Variants in TRAK1 observed in about 807,000 individuals in gnomAD.
TRAK1 encodes the protein trafficking kinesin-binding protein 1.
A neutral mutation model predicts 92.1 loss-of-function variants in TRAK1; 33 were observed. The observed-to-expected ratio is 0.36, with a 90% CI of 0.27 to 0.48. TRAK1 has a LOEUF of 0.48. TRAK1 is among the 20% of genes least tolerant of loss of function. The pLI, the probability that TRAK1 is intolerant of heterozygous loss-of-function variation, is 0.99. For missense variants in TRAK1, 1,123 were observed against 1,257.9 expected (o/e 0.89, Z 1.62); for synonymous variants, 521 against 517.3 (o/e 1.01, Z -0.10).
intron 14 of TRAK1, chr3:42,212,583 G>A (rs1709185611): frequency 1.0e-6 from 1 of 964,388 alleles, no homozygotes; most frequent in Non-Finnish European, 1.2e-6. Context: ...TTATTGTATT[G>A]TAAATAATTT....
chr3:42,120,148 G>A (rs906534882), intron 1 of TRAK1, among the ~76,000 whole-genome samples: 6 of 152,208 alleles, frequency 3.9e-5, no homozygotes, highest in South Asian at 2.1e-4. Context: ...GCAAGGAGGC[G>A]ATGCCGAGGG....
chr3:42,211,934 G>A (rs950275746), intron 14 of TRAK1: 21 of 985,414 alleles, frequency 2.1e-5, no homozygotes, highest in Non-Finnish European at 2.4e-5. Context: ...TACCTAGGTT[G>A]CCAAAGGTAA....
rs1331311945 is a variant in TRAK1, at chr3:42,037,580, ACT to A, written c.-519+23466_-519+23467del. On this transcript the variant is annotated intron_variant, in intron 1 of 16. Transcript: ENST00000487159. ...TTTCACAAACAAATGTCAAATTGTA[ACT>A]CTGACAGTTTCTGTGGCAGAGACCA... 2.0e-5 allele frequency among the ~76,000 whole-genome samples: 3 copies of A among 152,314 alleles called. No individual in the cohort carries two copies. The East Asian group carries it at 5.8e-4, about 29-fold the overall frequency.
chr3:42,215,025 G>A (rs3774386), intron 14 of TRAK1, among the ~76,000 whole-genome samples: 51,567 of 152,028 alleles, frequency 0.34, 9,220 homozygotes, highest in East Asian at 0.54. Context: ...GAAAACACTT[G>A]TTAAAGCCAC....
chr3:42,127,379 G>A (rs947647221), intron 2 of TRAK1, among the ~76,000 whole-genome samples: 40 of 148,290 alleles, frequency 2.7e-4, no homozygotes, highest in Non-Finnish European at 5.3e-4. Flanking sequence ...TTGAGACAGG[G>A]TTTTGCTCTG....
At position 42,091,511 on chromosome 3, in the gene TRAK1, G is replaced by A; in HGVS notation, c.42G>A (p.Gln14=). 1 of 1,613,686 alleles carries A rather than the reference G, an allele frequency of 6.2e-7. No individual in the cohort carries two copies. Among genetic ancestry groups the A allele is most frequent in the Non-Finnish European group, 8.5e-7 (1 of 1,179,922 alleles). ...VFQFGQPVRA[Q]PLPGLCHGKL... is the part of the protein sequence containing the mutation. ...AATTCGGGCAGCCCGTCAGGGCTCA[G>A]CCTCTGCCAGGACTCTGCCACGGCA... Residue 14 remains glutamine (Q), a synonymous_variant, in exon 1 of 16, where the codon CAG becomes CAA. Transcript: ENST00000327628.
At chr3:42,201,891 C>CGG (rs1707664915) in intron 12 of TRAK1, among the ~76,000 whole-genome samples, 2 of 142,876 alleles carry the variant, frequency 1.4e-5, no homozygotes, top group Non-Finnish European at 3.1e-5. Flanking sequence ...CGGACACACA[C>CGG]ACACACACAC....
In TRAK1 at chr3:42,125,424, G is replaced by C. The variant is rs773333328; in HGVS notation, c.96G>C (p.Val32=). The change falls in exon 2 of 16, where the codon GTG becomes GTC. Residue 32 remains valine (V), a synonymous_variant. Coordinates refer to ENST00000327628, the MANE Select transcript of TRAK1 (RefSeq NM_001042646.3). ...GKLIRTNACD[V]CNSTDLPEVE... is the part of the protein sequence containing the mutation. ...TCTTGGTTGTCTTGTCTTTAGATGT[G>C]TGCAACAGCACCGATCTTCCGGAAG... 5.0e-6 allele frequency: 8 copies of C among 1,613,908 alleles called. No individual in the cohort carries two copies. The highest frequency in any genetic ancestry group is 5.9e-6 in the Non-Finnish European group (7 of 1,179,940).
At chr3:42,100,899 C>G (rs191928597) in intron 1 of TRAK1, among the ~76,000 whole-genome samples, 1 of 151,852 alleles carries the variant, frequency 6.6e-6, no homozygotes, top group Admixed American at 6.6e-5. Context: ...AACTCCTGAC[C>G]TCAGGTGATC....
At chr3:42,095,718 G>GTCATCGTCATCATCATCATCATCGTCA (rs778708244) in intron 1 of TRAK1, among the ~76,000 whole-genome samples, 1 of 151,188 alleles carries the variant, frequency 6.6e-6, no homozygotes, top group African/African-American at 2.4e-5. Flanking sequence ...CTTTATCATC[G>GTCATCGTCATCATCATCATCATCGTCA]TCATCATCAT....
At chr3:42,184,862 A>G (rs1704554448) in intron 4 of TRAK1, 61 bp downstream of exon 4, 3 of 1,503,832 alleles carry the variant, frequency 2.0e-6, no homozygotes, top group African/African-American at 2.8e-5. Context: ...AGCTGGAGGC[A>G]TGGCTGAAGG....
chr3:42,117,504 T>G (rs942939857), intron 1 of TRAK1, among the ~76,000 whole-genome samples: 3 of 152,110 alleles, frequency 2.0e-5, no homozygotes, highest in Admixed American at 2.0e-4. Flanking sequence ...CTCTCCTGTC[T>G]TTTATTCTTC....
chr3:42,184,818 C>A lies in TRAK1; in HGVS notation c.480+17C>A. ...AGGGAGGAGGTAAGACATTGGAGGCCGAGGCTTCCAGAGGGGCCCGCCACA... is the reference window on the plus strand; with the variant it reads ...AGGGAGGAGGTAAGACATTGGAGGCAGAGGCTTCCAGAGGGGCCCGCCACA... On this transcript the variant is annotated intron_variant, in intron 4 of 15. Coordinates refer to ENST00000327628, the MANE Select transcript of TRAK1 (RefSeq NM_001042646.3). 1.2e-6 allele frequency: 2 copies of A among 1,608,760 alleles called. No homozygotes were observed. The highest frequency in any genetic ancestry group is 1.7e-6 in the Non-Finnish European group (2 of 1,177,080).
At chr3:42,137,063 A>G (rs1698050105) in intron 2 of TRAK1, among the ~76,000 whole-genome samples, 1 of 149,884 alleles carries the variant, frequency 6.7e-6, no homozygotes, top group Admixed American at 6.8e-5. Context: ...AGTAACCACC[A>G]CTCACTTTTT....
chr3:42,143,466 A>G lies in TRAK1; in HGVS notation c.286+17852A>G, dbSNP rs570493149. ...TGTGCAATCCTGGGCAAGTGACTTAAGCCACTAAGACCCCTTTCCTTGTCT... is the reference window on the plus strand; with the variant it reads ...TGTGCAATCCTGGGCAAGTGACTTAGGCCACTAAGACCCCTTTCCTTGTCT... On this transcript the variant is annotated intron_variant, in intron 2 of 15. Transcript: ENST00000327628. Among the ~76,000 whole-genome samples the G allele has an allele frequency of 5.9e-5, 9 of 152,286 alleles. No homozygotes were observed. In the South Asian group the frequency reaches 1.9e-3, roughly 32 times the overall value.
chr3:42,184,878 A>C, intron 4 of TRAK1, 77 bp downstream of exon 4: 1 of 1,373,640 alleles, frequency 7.3e-7, no homozygotes, highest in East Asian at 2.3e-5. Flanking sequence ...GAAGGAGATG[A>C]GAGAATGGAG....
Position 42,189,143 on chromosome 3 carries a change from T to A in TRAK1, c.690+19T>A, listed in dbSNP as rs758710995. 6.3e-7 allele frequency: 1 copy of A among 1,585,118 alleles called. No individual in the cohort carries two copies. Among genetic ancestry groups the A allele is most frequent in the Non-Finnish European group, 8.7e-7 (1 of 1,153,748 alleles). On this transcript the variant is annotated intron_variant, in intron 6 of 15. Coordinates refer to ENST00000327628, the MANE Select transcript of TRAK1 (RefSeq NM_001042646.3). ...ATCCGAGGTGATGTGCCCTCCCTTC[T>A]CTTGCCCCTGCTAGAAGGGTGGTGG... is the stretch of plus-strand genomic sequence containing the variant.
intron 1 of TRAK1, among the ~76,000 whole-genome samples, chr3:42,042,103 T>A (rs1306499448): frequency 6.6e-6 from 1 of 152,184 alleles, no homozygotes; most frequent in African/African-American, 2.4e-5. Flanking sequence ...ATTTTTGTAT[T>A]TTCAGTAGTG....
At chr3:42,034,393 G>A (rs1240824212) in intron 1 of TRAK1, among the ~76,000 whole-genome samples, 4 of 152,188 alleles carry the variant, frequency 2.6e-5, no homozygotes, top group Non-Finnish European at 4.4e-5. Context: ...CCTGGGCTCA[G>A]GTGATTCTCC....
Sources: gnomAD v4.1 joint callset for allele counts (sites outside exome capture counted in the v4.1 genomes callset) on GRCh38, gnomAD v4.1.1 for gene constraint, MANE v1.5 for transcripts, NCBI Gene and HGNC (gene_info 2026-07-23, HGNC 2026-07-21) for gene names.